TRIP12: variants seen among roughly 807,000 people sequenced by gnomAD.
TRIP12 encodes the protein thyroid hormone receptor interactor 12.
A neutral mutation model predicts 244.2 loss-of-function variants in TRIP12; 25 were observed. The ratio of observed to expected loss-of-function variants is 0.10; its 90% CI spans 0.07 to 0.14. The LOEUF (loss-of-function observed/expected upper bound fraction) is 0.14. TRIP12 is among the 10% of genes least tolerant of loss of function. The probability of loss-of-function intolerance (pLI) is 1.00; values close to 1 mark genes in which losing one functional copy is unlikely to be tolerated. For synonymous variants in TRIP12, 905 were observed against 873.1 expected (o/e 1.04, Z -0.64); for missense variants, 1,677 against 2,486.4 (o/e 0.67, Z 6.92).
In TRIP12 at chr2:229,920,285, C is replaced by T. The variant is rs1327242435; in HGVS notation, c.-50+1595G>A. On this transcript the variant is annotated intron_variant, in intron 1 of 41. Transcript: ENST00000675903. The stretch of plus-strand genomic sequence containing the variant: ...GAAATGCCAAAAATACCTAATGAGA[C>T]TCTCGAGAGGAACATAAAGTTAAAC... Among the ~76,000 whole-genome samples, 9 of 152,204 alleles carry T rather than the reference C, an allele frequency of 5.9e-5. No homozygotes were observed. The East Asian group carries it at 1.7e-3, about 29-fold the overall frequency.
At position 229,808,202 on chromosome 2, in the gene TRIP12, G is replaced by T. The variant is rs763820182; in HGVS notation, c.2339+50C>A. Reference sequence around the variant, plus strand: ...AGGCTGGTCTCGAACTCCTGACCTCGTGATTCACCCGCCTTGGCCTCCCAA... The same window carrying T: ...AGGCTGGTCTCGAACTCCTGACCTCTTGATTCACCCGCCTTGGCCTCCCAA... On this transcript the variant is annotated intron_variant, in intron 16 of 41. Transcript: ENST00000675903. The T allele has an allele frequency of 6.6e-6, 9 of 1,360,548 alleles. No individual in the cohort carries two copies. The South Asian group carries it at 7.0e-5, about 11-fold the overall frequency. 84.3% of individuals were successfully genotyped at this position (1,360,548 alleles called of 1,614,324 possible). A position where few individuals can be genotyped will look rare whatever the true frequency, so the allele number is the denominator to read the frequency against.
chr2:229,771,385 C>A, intron 39 of TRIP12, 134 bp downstream of exon 39: 1 of 635,950 alleles, frequency 1.6e-6, no homozygotes, highest in Non-Finnish European at 2.7e-6. Flanking sequence ...TTGTCTTTCC[C>A]AAACATCCAT....
At chr2:229,793,278 C>T in intron 26 of TRIP12, 133 bp from the exon 27 acceptor site, 1 of 846,416 alleles carries the variant, frequency 1.2e-6, no homozygotes, top group Admixed American at 3.2e-5. Flanking sequence ...CTTACCAGTT[C>T]TGTGAATGGT....
chr2:229,849,953 T>G (rs996634527), intron 4 of TRIP12, among the ~76,000 whole-genome samples: 2 of 145,278 alleles, frequency 1.4e-5, no homozygotes, highest in Non-Finnish European at 3.0e-5. Flanking sequence ...AAAAAAGAGG[T>G]AGCCCTTGGT....
At chr2:229,896,097 T>C (rs1037545726) in intron 1 of TRIP12, among the ~76,000 whole-genome samples, 5 of 152,038 alleles carry the variant, frequency 3.3e-5, no homozygotes, top group South Asian at 2.1e-4. Context: ...AGAAAAGAAG[T>C]GGCCCAGGAA....
intron 25 of TRIP12, among the ~76,000 whole-genome samples, 181 bp from the exon 26 acceptor site, chr2:229,795,511 T>C (rs2042589562): frequency 6.6e-6 from 1 of 152,202 alleles, no homozygotes; most frequent in Non-Finnish European, 1.5e-5. Context: ...AAGACAACTG[T>C]TTTGTACAGC....
At chr2:229,831,878 G>GT (rs1344821859) in intron 6 of TRIP12, among the ~76,000 whole-genome samples, 5 of 109,712 alleles carry the variant, frequency 4.6e-5, no homozygotes, top group African/African-American at 1.4e-4. Context: ...TTTTTTGTTT[G>GT]TTTTTTGGGT....
intron 8 of TRIP12, among the ~76,000 whole-genome samples, chr2:229,823,362 G>A (rs1166620322): frequency 1.3e-5 from 2 of 151,918 alleles, no homozygotes; most frequent in African/African-American, 2.4e-5. Context: ...GCCCGATCTC[G>A]GCTAACTGCA....
rs1433199313 is a variant in TRIP12, at chr2:229,858,919, T to A, written c.880A>T (p.Ser294Cys). ...PRRSSREKEQ[S>C]KTGGSSKFDW... ...AATTTTGAAGAGCCACCAGTTTTAC[T>A]CTGTTCCTTTTCCCTGCTACTTCTT... is the stretch of plus-strand genomic sequence containing the variant. Residue 294 changes from serine (S) to cysteine (C), a missense_variant, in exon 4 of 42, where the codon AGT (serine) becomes TGT (cysteine). Coordinates refer to ENST00000675903, the MANE Select transcript of TRIP12 (RefSeq NM_001348323.3). The A allele has an allele frequency of 1.2e-6, 2 of 1,614,102 alleles. No homozygotes were observed. The highest frequency in any genetic ancestry group is 3.3e-5 in the Admixed American group (2 of 60,010).
chr2:229,906,512 G>T (rs1179571913), intron 1 of TRIP12, among the ~76,000 whole-genome samples: 1 of 151,194 alleles, frequency 6.6e-6, no homozygotes, highest in African/African-American at 2.4e-5. Flanking sequence ...ATGAGGTCAA[G>T]AGATCGAGAC....
At position 229,793,095 on chromosome 2, in the gene TRIP12, T is replaced by G; in HGVS notation, c.4019A>C (p.Gln1340Pro). 1 of 1,613,772 alleles carries G rather than the reference T, an allele frequency of 6.2e-7. No individual in the cohort carries two copies. The highest frequency in any genetic ancestry group is 8.5e-7 in the Non-Finnish European group (1 of 1,179,796). The change falls in exon 27 of 42, where the codon CAA (glutamine) becomes CCA (proline). Residue 1340 changes from glutamine to proline, a missense_variant. This residue lies in a region of TRIP12 where 265 missense variants were observed against 370.8 expected (regional missense o/e 0.71). Transcript: ENST00000675903. ...SQALKFFNTH[Q>P]LKCQLQRHPD... ...ATGCCTTTGTAACTGGCATTTTAAT[T>G]GATGTGTGTTGAAAAATTTTAAAGC...
chr2:229,921,789 T>G (rs1257616345), intron 1 of TRIP12, 91 bp downstream of exon 1: 1 of 150,858 alleles, frequency 6.6e-6, no homozygotes, highest in South Asian at 2.1e-4. Flanking sequence ...TGGGACTTTC[T>G]GTTCCAGCTC....
chr2:229,799,214 A>G, intron 22 of TRIP12, 69 bp downstream of exon 22: 1 of 1,570,888 alleles, frequency 6.4e-7, no homozygotes, highest in Non-Finnish European at 8.8e-7. Context: ...GGCAGTTTTA[A>G]TAAAGTACAT....
intron 26 of TRIP12, among the ~76,000 whole-genome samples, chr2:229,794,326 G>A (rs2042258479): frequency 6.6e-6 from 1 of 152,102 alleles, no homozygotes; most frequent in African/African-American, 2.4e-5. Flanking sequence ...CAGCACTTTG[G>A]GAGGCCAAGG....
intron 13 of TRIP12, 121 bp from the exon 14 acceptor site, chr2:229,811,325 C>A: frequency 9.7e-7 from 1 of 1,025,890 alleles, no homozygotes; most frequent in Non-Finnish European, 1.4e-6. Context: ...TAGTAAATGA[C>A]AGCTTTGAAA....
intron 3 of TRIP12, 111 bp from the exon 4 acceptor site, chr2:229,859,685 T>A: frequency 8.3e-7 from 1 of 1,205,744 alleles, no homozygotes; most frequent in Admixed American, 2.5e-5. Context: ...AGTCCAGTAT[T>A]AAACATAGGT....
At chr2:229,810,773 C>A in intron 15 of TRIP12, 107 bp downstream of exon 15, 1 of 1,121,118 alleles carries the variant, frequency 8.9e-7, no homozygotes, top group Non-Finnish European at 1.3e-6. Flanking sequence ...CTATCCAATG[C>A]CTATAATATT....
chr2:229,829,931 AGAGT>A (rs1163238624), intron 7 of TRIP12, among the ~76,000 whole-genome samples: 1 of 152,244 alleles, frequency 6.6e-6, no homozygotes, highest in African/African-American at 2.4e-5. Context: ...CCTGGGCAAC[AGAGT>A]GAGATTCGGT....
intron 4 of TRIP12, among the ~76,000 whole-genome samples, chr2:229,853,892 C>T (rs552030239): frequency 6.6e-6 from 1 of 152,190 alleles, no homozygotes; most frequent in African/African-American, 2.4e-5. Flanking sequence ...ATTTGCCCAA[C>T]CTCGCCAAAC....
Sources: allele counts gnomAD v4.1 joint callset (sites outside exome capture counted in the v4.1 genomes callset), GRCh38; gene constraint gnomAD v4.1.1; regional missense constraint gnomAD v4.1.1; transcripts MANE v1.5; gene names NCBI Gene and HGNC (gene_info 2026-07-23, HGNC 2026-07-21).